Variants in TSPEAR observed in about 807,000 individuals in gnomAD.
The protein encoded by TSPEAR is thrombospondin type laminin G domain and EAR repeats, also known as thrombospondin-type laminin G domain and EAR repeat-containing protein.
TSPEAR carries 69 observed loss-of-function variants against 71.6 expected under a neutral mutation model. That is an observed-to-expected ratio of 0.96 (90% confidence interval 0.79 to 1.18). The LOEUF (loss-of-function observed/expected upper bound fraction) is 1.18, where lower values mean the gene tolerates loss of function less well. TSPEAR is among the 50% of genes most tolerant of loss of function. The probability of loss-of-function intolerance (pLI) is 0.00; values close to 1 mark genes in which losing one functional copy is unlikely to be tolerated. For missense variants in TSPEAR, 971 were observed against 894.9 expected, an observed-to-expected ratio of 1.09 and a Z score of -1.09; for synonymous variants, 402 against 387.2, an observed-to-expected ratio of 1.04 and a Z score of -0.45.
chr21:44,523,470 G>A (rs1053666008), intron 8 of TSPEAR, among the ~76,000 whole-genome samples: 2 of 152,044 alleles, frequency 1.3e-5, no homozygotes, highest in Admixed American at 1.3e-4. Flanking sequence ...TAATCAGTCA[G>A]TCAGGCAGTT....
intron 9 of TSPEAR, chr21:44,517,444 A>C (rs2052612241): frequency 4.0e-6 from 1 of 250,776 alleles, no homozygotes; most frequent in Non-Finnish European, 8.0e-6. Context: ...GGCACTAGCC[A>C]ATGAGCTGTG....
chr21:44,599,842 G>C (rs370397225), intron 1 of TSPEAR, among the ~76,000 whole-genome samples: 2 of 152,212 alleles, frequency 1.3e-5, no homozygotes, highest in African/African-American at 4.8e-5. Flanking sequence ...CTTTTCACAC[G>C]GCAGTGCTGT....
intron 1 of TSPEAR, among the ~76,000 whole-genome samples, chr21:44,582,603 AC>A (rs1979058727): frequency 6.6e-6 from 1 of 152,110 alleles, no homozygotes; most frequent in East Asian, 1.9e-4. Context: ...TGGTGTCTGG[AC>A]CACCCATCAC....
Position 44,612,092 on chromosome 21 carries a change from G to A in TSPEAR, c.83-44087C>T. 3.1e-6 allele frequency: 5 copies of A among 1,611,660 alleles called. No individual in the cohort carries two copies. The highest frequency in any genetic ancestry group is 4.2e-6 in the Non-Finnish European group (5 of 1,178,708). ...ACCAGCACTCACACCACCCAGTCCA[G>A]CACCCACCATGGCTGACGCCTGCTG... is the stretch of plus-strand genomic sequence containing the variant. On this transcript the variant is annotated intron_variant, in intron 1 of 11. Coordinates refer to ENST00000323084, the MANE Select transcript of TSPEAR (RefSeq NM_144991.3). The surrounding 1 kb of genome is among the most constrained non-coding windows in gnomAD (Gnocchi z 4.1).
intron 2 of TSPEAR, among the ~76,000 whole-genome samples, chr21:44,536,197 C>T (rs587696282): frequency 4.6e-5 from 7 of 152,332 alleles, no homozygotes; most frequent in African/African-American, 9.6e-5. Context: ...GCCCCCTTTC[C>T]GGGCGGTGCT....
At chr21:44,550,135 A>G (rs1555918316) in intron 2 of TSPEAR, among the ~76,000 whole-genome samples, 2 of 152,270 alleles carry the variant, frequency 1.3e-5, no homozygotes, top group African/African-American at 2.4e-5. Context: ...TGTGGGACTC[A>G]GCCAATGAAC....
intron 1 of TSPEAR, among the ~76,000 whole-genome samples, chr21:44,572,128 C>G (rs782063183): frequency 1.2e-4 from 19 of 152,238 alleles, no homozygotes; most frequent in Non-Finnish European, 2.2e-4. Flanking sequence ...ACGCGATGCC[C>G]ACTCTGACCA....
chr21:44,502,201 A>T (rs1408425683), intron 11 of TSPEAR, among the ~76,000 whole-genome samples: 2 of 152,248 alleles, frequency 1.3e-5, no homozygotes, highest in Admixed American at 6.5e-5. Flanking sequence ...CGGATGGCCC[A>T]CAGCCCATCA....
chr21:44,702,029 A>G (rs1201508040), intron 1 of TSPEAR, among the ~76,000 whole-genome samples: 1 of 152,188 alleles, frequency 6.6e-6, no homozygotes, highest in Admixed American at 6.5e-5. Flanking sequence ...GCCCTGAGAT[A>G]TGAGATGATC....
chr21:44,677,423 G>A, intron 1 of TSPEAR: 2 of 982,296 alleles, frequency 2.0e-6, no homozygotes, highest in Non-Finnish European at 3.3e-6. Flanking sequence ...CCTGCAGAGT[G>A]ACATTTGCAG....
At chr21:44,588,178 G>T (rs1979465340) in intron 1 of TSPEAR, among the ~76,000 whole-genome samples, 1 of 151,984 alleles carries the variant, frequency 6.6e-6, no homozygotes, top group South Asian at 2.1e-4. Flanking sequence ...AAATTATAAA[G>T]AAAAAAACCA....
intron 1 of TSPEAR, chr21:44,702,657 G>T (rs1207785041): frequency 1.3e-6 from 2 of 1,575,890 alleles, no homozygotes; most frequent in Non-Finnish European, 1.7e-6. Context: ...CCTGCTGCAT[G>T]CCCGTCCCCT....
At position 44,612,384 on chromosome 21, in the gene TSPEAR, C is replaced by T. The variant is rs1981748770; in HGVS notation, c.83-44379G>A. On this transcript the variant is annotated intron_variant, in intron 1 of 11. Coordinates refer to ENST00000323084, the MANE Select transcript of TSPEAR (RefSeq NM_144991.3). This position sits in a 1 kb window ranked among gnomAD's most constrained non-coding sequence, Gnocchi z 4.1. Reference sequence around the variant, plus strand: ...CAATCAGGCTGCACCGACTCCTGCACACCTTCATGCTGCCAGCAGTCTAGC... The same window carrying T: ...CAATCAGGCTGCACCGACTCCTGCATACCTTCATGCTGCCAGCAGTCTAGC... 5.0e-6 allele frequency: 8 copies of T among 1,613,974 alleles called. No individual in the cohort carries two copies. The highest frequency in any genetic ancestry group is 6.8e-6 in the Non-Finnish European group (8 of 1,180,040).
chr21:44,606,417 T>C (rs1981318825), intron 1 of TSPEAR, among the ~76,000 whole-genome samples: 1 of 152,190 alleles, frequency 6.6e-6, no homozygotes, highest in African/African-American at 2.4e-5. Context: ...TTGTACATTG[T>C]TGGTGGGAAT....
chr21:44,582,610 A>G (rs1273189287), intron 1 of TSPEAR, among the ~76,000 whole-genome samples: 1 of 152,184 alleles, frequency 6.6e-6, no homozygotes, highest in African/African-American at 2.4e-5. Context: ...TGGACCACCC[A>G]TCACTGTCCA....
chr21:44,580,665 G>GAGTA, intron 1 of TSPEAR: 1 of 1,374,174 alleles, frequency 7.3e-7, no homozygotes, highest in East Asian at 2.3e-5. Flanking sequence ...GTGAGTGAGT[G>GAGTA]AGGTGCTCAG....
intron 1 of TSPEAR, chr21:44,573,685 G>A (rs199930733): frequency 5.3e-5 from 83 of 1,566,516 alleles, no homozygotes; most frequent in Non-Finnish European, 5.4e-5. Flanking sequence ...CCACAAACCC[G>A]AGCACCTCAC....
intron 2 of TSPEAR, chr21:44,558,066 T>C: frequency 6.2e-7 from 1 of 1,608,526 alleles, no homozygotes; most frequent in Non-Finnish European, 8.5e-7. Flanking sequence ...GCTGGACTTC[T>C]GGCCTGAGGA....
At chr21:44,567,271 G>A (rs1363637913) in intron 2 of TSPEAR, among the ~76,000 whole-genome samples, 1 of 152,210 alleles carries the variant, frequency 6.6e-6, no homozygotes, top group African/African-American at 2.4e-5. Context: ...ACCACTGTTG[G>A]AAATGCAAAT....
Sources: allele counts gnomAD v4.1 joint callset (sites outside exome capture counted in the v4.1 genomes callset), GRCh38; gene constraint gnomAD v4.1.1; non-coding constraint Gnocchi (gnomAD v3.1); transcripts MANE v1.5; gene names NCBI Gene and HGNC (gene_info 2026-07-23, HGNC 2026-07-21).